The following LARGE1 variants were observed in gnomAD, a reference collection of about 807,000 sequenced individuals.
LARGE1 encodes xylosyl- and glucuronyltransferase LARGE1.
A neutral mutation model predicts 87.6 loss-of-function variants in LARGE1; 43 were observed. That is an observed-to-expected ratio of 0.49 (90% CI 0.38 to 0.63). The LOEUF (loss-of-function observed/expected upper bound fraction) is 0.63. Ranked by LOEUF, LARGE1 falls within the 30% of genes least tolerant of loss-of-function variation. The pLI is 0.00. For synonymous variants in LARGE1, 434 were observed against 394.6 expected, an observed-to-expected ratio of 1.10 and a Z score of -1.18; for missense variants, 802 against 1,000.2, an observed-to-expected ratio of 0.80 and a Z score of 2.67.
chr22:33,205,948 C>CT (rs386395258), intron 11 of LARGE1, among the ~76,000 whole-genome samples: 10,556 of 84,868 alleles, frequency 0.12, 992 homozygotes, highest in South Asian at 0.22. Flanking sequence ...CATGCTAATT[C>CT]TTTTTTTTTT....
At chr22:33,604,688 G>T (rs1372555311) in intron 4 of LARGE1, 130 bp from the exon 5 acceptor site, 4 of 1,242,156 alleles carry the variant, frequency 3.2e-6, no homozygotes, top group Non-Finnish European at 3.5e-6. Context: ...AGTAAATCTG[G>T]AATGTTACGA....
the LARGE1 span, among the ~76,000 whole-genome samples, chr22:33,096,730 A>G: frequency 6.6e-6 from 1 of 151,536 alleles, no homozygotes; most frequent in African/African-American, 2.4e-5. Flanking sequence ...GCGCCCGGCT[A>G]ATTTTTTTGT....
intron 11 of LARGE1, among the ~76,000 whole-genome samples, chr22:33,244,885 C>T (rs1320886529): frequency 1.3e-5 from 2 of 152,132 alleles, no homozygotes; most frequent in Non-Finnish European, 2.9e-5. Flanking sequence ...GTGGCAAAAA[C>T]AACAGCCCCT....
At chr22:33,862,083 A>G (rs1051168174) in intron 1 of LARGE1, among the ~76,000 whole-genome samples, 2 of 150,574 alleles carry the variant, frequency 1.3e-5, no homozygotes, top group Non-Finnish European at 3.0e-5. Flanking sequence ...CTGGTCTTGA[A>G]CTCCTGACCT....
chr22:33,117,592 A>G, the LARGE1 span, among the ~76,000 whole-genome samples: 7 of 152,166 alleles, frequency 4.6e-5, no homozygotes, highest in South Asian at 2.1e-4. Flanking sequence ...GTCATAAGCT[A>G]TAAGTTGGTG....
At chr22:33,354,638 A>G (rs1320470597) in intron 9 of LARGE1, among the ~76,000 whole-genome samples, 1 of 152,244 alleles carries the variant, frequency 6.6e-6, no homozygotes, top group African/African-American at 2.4e-5. Flanking sequence ...GGTCATCAAG[A>G]GAGACTTAAA....
chr22:33,689,548 T>A (rs1220618081), intron 2 of LARGE1, among the ~76,000 whole-genome samples: 1 of 151,890 alleles, frequency 6.6e-6, no homozygotes, highest in Non-Finnish European at 1.5e-5. Context: ...AGGAATATAT[T>A]GAGGAGTCCA....
intron 1 of LARGE1, among the ~76,000 whole-genome samples, chr22:33,903,689 G>A (rs758237969): frequency 2.8e-4 from 42 of 152,128 alleles, no homozygotes; most frequent in Non-Finnish European, 5.1e-4. Flanking sequence ...GCTGGGCATG[G>A]TGGTGGGCGC....
chr22:33,405,989 A>G lies in LARGE1; in HGVS notation c.893-21685T>C, dbSNP rs578241709. 4.8e-4 allele frequency among the ~76,000 whole-genome samples: 73 copies of G among 152,328 alleles called. 3 individuals carry two copies. In the South Asian group the frequency reaches 0.014, roughly 30 times the overall value. On this transcript the variant is annotated intron_variant, in intron 7 of 14. Coordinates refer to ENST00000397394, the MANE Select transcript of LARGE1 (RefSeq NM_133642.5). ...GCAATAGGAATGCATTGCCATTTCCATTAACACATACATTTCCTCAGTCTT... is the reference window on the plus strand; with the variant it reads ...GCAATAGGAATGCATTGCCATTTCCGTTAACACATACATTTCCTCAGTCTT...
chr22:33,068,365 G>A, the LARGE1 span, among the ~76,000 whole-genome samples: 4 of 152,312 alleles, frequency 2.6e-5, 1 homozygote, highest in South Asian at 8.3e-4. Flanking sequence ...CAGAGTTGGG[G>A]CCGGGCACGG....
rs577529787 is a variant in LARGE1 at position 33,711,418 on chromosome 22, C to T, written c.106+49953G>A. Among the ~76,000 whole-genome samples, 8 of 152,220 alleles carry T rather than the reference C, an allele frequency of 5.3e-5. 1 individual carries two copies. The South Asian group carries it at 1.7e-3, about 32-fold the overall frequency. On this transcript the variant is annotated intron_variant, in intron 2 of 14. Coordinates refer to ENST00000397394, the MANE Select transcript of LARGE1 (RefSeq NM_133642.5). ...TCTTCACACTTTCGTTCAAATGTGT[C>T]CTAAAATATTGAATAGACCATGGGT... is the stretch of plus-strand genomic sequence containing the variant.
intron 11 of LARGE1, among the ~76,000 whole-genome samples, chr22:33,263,288 C>T (rs1335714036): frequency 1.3e-5 from 2 of 152,160 alleles, no homozygotes; most frequent in Non-Finnish European, 2.9e-5. Flanking sequence ...GCTGTATCTC[C>T]CTATATAATC....
intron 9 of LARGE1, among the ~76,000 whole-genome samples, chr22:33,369,935 TA>T (rs76332142): frequency 0.18 from 26,210 of 142,404 alleles, 4,206 homozygotes; most frequent in African/African-American, 0.45. Flanking sequence ...TAGCCAAGAT[TA>T]AAAAAAAAAA....
At chr22:33,259,923 C>T (rs1259606612) in intron 11 of LARGE1, among the ~76,000 whole-genome samples, 2 of 152,176 alleles carry the variant, frequency 1.3e-5, no homozygotes, top group Non-Finnish European at 2.9e-5. Context: ...GACTGGCCCT[C>T]CCAGGTCTGG....
intron 6 of LARGE1, among the ~76,000 whole-genome samples, chr22:33,472,363 G>T (rs541027292): frequency 2.6e-5 from 4 of 152,144 alleles, no homozygotes; most frequent in Non-Finnish European, 4.4e-5. Flanking sequence ...TAAAGAAAAA[G>T]GGATGCCAGA....
At chr22:33,524,280 G>C (rs1238922628) in intron 6 of LARGE1, among the ~76,000 whole-genome samples, 1 of 99,258 alleles carries the variant, frequency 1.0e-5, no homozygotes, top group African/African-American at 3.6e-5. Flanking sequence ...AACAGAGTGA[G>C]ACTCCCCTCA....
At chr22:33,483,839 G>A (rs539472466) in intron 6 of LARGE1, among the ~76,000 whole-genome samples, 198 of 152,248 alleles carry the variant, frequency 1.3e-3, no homozygotes, top group African/African-American at 4.5e-3. Flanking sequence ...GCATGCTAGG[G>A]TGGAGAATCC....
intron 1 of LARGE1, among the ~76,000 whole-genome samples, chr22:33,889,880 C>T (rs77496182): frequency 0.022 from 3,282 of 152,274 alleles, 127 homozygotes; most frequent in African/African-American, 0.076. Flanking sequence ...ACCAGGAAAA[C>T]GGAAATGGCC....
chr22:33,495,433 A>C (rs1305492437), intron 6 of LARGE1, among the ~76,000 whole-genome samples: 2 of 152,184 alleles, frequency 1.3e-5, no homozygotes, highest in Non-Finnish European at 2.9e-5. Context: ...AGCAAAACTA[A>C]AGTTTGGCTG....
Sources: allele counts gnomAD v4.1 joint callset (sites outside exome capture counted in the v4.1 genomes callset), GRCh38; gene constraint gnomAD v4.1.1; transcripts MANE v1.5; gene names NCBI Gene and HGNC (gene_info 2026-07-23, HGNC 2026-07-21).